FBXL18: variants seen among roughly 807,000 people sequenced by gnomAD.
The protein encoded by FBXL18 is F-box/LRR-repeat protein 18.
In FBXL18, 36 loss-of-function variants were observed where a neutral mutation model predicts 46.0. That is an observed-to-expected ratio of 0.78 (90% CI 0.60 to 1.03). The LOEUF is 1.03. Ranked by LOEUF, FBXL18 falls within the 50% of genes least tolerant of loss-of-function variation. The pLI is 0.00. For missense variants in FBXL18, 977 were observed against 1,004.1 expected (o/e 0.97, Z 0.36); for synonymous variants, 557 against 465.3 (o/e 1.20, Z -2.54).
chr7:5,505,752 A>C, intron 1 of FBXL18, 122 bp from the exon 2 acceptor site: 1 of 728,010 alleles, frequency 1.4e-6, no homozygotes. Flanking sequence ...TTTTTACTAA[A>C]ACTCTCAACT....
chr7:5,457,325 G>A (rs1041488034), intron 4 of FBXL18, among the ~76,000 whole-genome samples: 1 of 152,184 alleles, frequency 6.6e-6, no homozygotes, highest in African/African-American at 2.4e-5. Flanking sequence ...TCAGTAGTAG[G>A]AATAAACAAG....
intron 4 of FBXL18, among the ~76,000 whole-genome samples, chr7:5,485,029 C>A (rs1020892222): frequency 1.3e-5 from 2 of 152,228 alleles, no homozygotes; most frequent in South Asian, 4.1e-4. Flanking sequence ...CAATCCTCCC[C>A]CCTTGGCCTC....
rs538435988 is a variant in FBXL18, at chr7:5,491,548, G to A, written c.1782-99C>T. ...GCTGCCAGTGGAAGCTTCCTGGCCT[G>A]GGGCCCAGCCCAGCTGTTCCCGCCA... On this transcript the variant is annotated intron_variant, in intron 3 of 4. Transcript: ENST00000382368. The A allele has an allele frequency of 3.5e-4, 368 of 1,041,520 alleles. 6 individuals carry two copies. The East Asian group carries it at 9.3e-3, about 26-fold the overall frequency. 64.5% of individuals were successfully genotyped at this position (1,041,520 alleles called of 1,614,324 possible).
chr7:5,463,797 G>C (rs1172846489), intron 4 of FBXL18, among the ~76,000 whole-genome samples: 1 of 138,296 alleles, frequency 7.2e-6, no homozygotes, highest in Non-Finnish European at 1.5e-5. Context: ...CTTGAGTGCA[G>C]TAGTGCAGTC....
Position 5,501,934 on chromosome 7 carries a change from A to G in FBXL18, c.335T>C (p.Val112Ala), listed in dbSNP as rs749113873. 10 of 1,604,420 alleles carry G rather than the reference A, an allele frequency of 6.2e-6. No homozygotes were observed. The highest frequency in any genetic ancestry group is 8.5e-6 in the Non-Finnish European group (10 of 1,176,732). Residue 112 changes from valine to alanine, a missense_variant, in exon 3 of 5, where the codon GTG becomes GCG. Transcript: ENST00000382368. ...AGCYWLPGSTVEHVARCRSLV... is the reference protein window; with the variant it reads ...AGCYWLPGSTAEHVARCRSLV... ...GCTGCGGCAGCGGGCCACGTGTTCC[A>G]CGGTGGAGCCAGGCAGCCAGTAGCA...
At chr7:5,493,760 C>T (rs1378719347) in intron 3 of FBXL18, among the ~76,000 whole-genome samples, 1 of 151,946 alleles carries the variant, frequency 6.6e-6, no homozygotes, top group Non-Finnish European at 1.5e-5. Flanking sequence ...AGCAATCCTC[C>T]TGCCTCAGCC....
At position 5,483,373 on chromosome 7, in the gene FBXL18, G is replaced by A. The variant is rs187418282; in HGVS notation, c.2001-1442C>T. Reference sequence around the variant, plus strand: ...GGAGAATCCCTTGAACCCAGGAGGTGGAGTTTCCAGTGAGCCGAGATCGTG... The same window carrying A: ...GGAGAATCCCTTGAACCCAGGAGGTAGAGTTTCCAGTGAGCCGAGATCGTG... On this transcript the variant is annotated intron_variant, in intron 4 of 4. Coordinates refer to ENST00000382368, the MANE Select transcript of FBXL18 (RefSeq NM_024963.6). Among the ~76,000 whole-genome samples, 197 of 151,536 alleles carry A rather than the reference G, an allele frequency of 1.3e-3. 2 individuals are homozygous for A. The highest frequency in any genetic ancestry group is 4.1e-3 in the African/African-American group (170 of 41,292).
Position 5,501,986 on chromosome 7 carries a change from C to T in FBXL18, c.283G>A (p.Glu95Lys), listed in dbSNP as rs979392743. ...VRQLVKEIGR[E>K]IQQLSMAGCY... ...CCAGCCATGCTCAGCTGCTGGATCT[C>T]CCGGCCGATCTCCTTCACCAGCTGC... Residue 95 changes from glutamate (E) to lysine (K), a missense_variant, in exon 3 of 5, where the codon GAG becomes AAG. Transcript: ENST00000382368. The T allele has an allele frequency of 6.2e-7, 1 of 1,607,232 alleles. No homozygotes were observed. The highest frequency in any genetic ancestry group is 1.7e-4 in the Middle Eastern group (1 of 6,034).
chr7:5,506,884 G>A (rs1411377210), intron 1 of FBXL18, among the ~76,000 whole-genome samples: 1 of 152,158 alleles, frequency 6.6e-6, no homozygotes, highest in Non-Finnish European at 1.5e-5. Flanking sequence ...TTCATATCTG[G>A]CAAATTACAA....
At chr7:5,493,798 A>G (rs1783998206) in intron 3 of FBXL18, among the ~76,000 whole-genome samples, 1 of 151,878 alleles carries the variant, frequency 6.6e-6, no homozygotes, top group African/African-American at 2.4e-5. Context: ...TATAGGCGTG[A>G]GCCACCATGC....
At chr7:5,482,179 C>G (rs1783665707) in intron 4 of FBXL18, among the ~76,000 whole-genome samples, 1 of 152,194 alleles carries the variant, frequency 6.6e-6, no homozygotes, top group Non-Finnish European at 1.5e-5. Flanking sequence ...TCAGGGGGCA[C>G]CCGCTCCATG....
At chr7:5,458,614 C>CT (rs1225978686) in intron 4 of FBXL18, among the ~76,000 whole-genome samples, 1 of 151,968 alleles carries the variant, frequency 6.6e-6, no homozygotes, top group East Asian at 1.9e-4. Flanking sequence ...AGGAGTATCG[C>CT]TTAACTCGGG....
intron 1 of FBXL18, among the ~76,000 whole-genome samples, chr7:5,508,006 C>T (rs984071508): frequency 1.1e-4 from 16 of 151,996 alleles, no homozygotes; most frequent in African/African-American, 1.7e-4. Flanking sequence ...TGGTGGCTCA[C>T]GCCTGTAATC....
At chr7:5,467,521 G>A (rs1336635618) in intron 4 of FBXL18, among the ~76,000 whole-genome samples, 2 of 151,602 alleles carry the variant, frequency 1.3e-5, no homozygotes, top group African/African-American at 2.4e-5. Flanking sequence ...ACCCCAGCCT[G>A]GGAGGCAGAG....
At position 5,491,089 on chromosome 7, in the gene FBXL18, C is replaced by T. The variant is rs1010716827; in HGVS notation, c.2000+142G>A. ...AGGCTGGGCCGTGGGAGACCAAACC[C>T]CTTGCTTTCACCCTGTCACTGCCTG... On this transcript the variant is annotated intron_variant, in intron 4 of 4. Coordinates refer to ENST00000382368, the MANE Select transcript of FBXL18 (RefSeq NM_024963.6). 135 of 754,062 alleles carry T rather than the reference C, an allele frequency of 1.8e-4. No individual in the cohort carries two copies. Among genetic ancestry groups the T allele is most frequent in the Admixed American group, 2.9e-4 (11 of 37,882 alleles). The allele number at this position is 754,062 out of a possible 1,614,324, so 46.7% of individuals were successfully genotyped here.
Position 5,505,279 on chromosome 7 carries a change from G to A in FBXL18, c.237+133C>T, listed in dbSNP as rs1038115591. ...CTTCTGTCCCTCAATGCATCCTGCAGACGGCGCCAGTCAGGACTTGGAGTT... is the reference window on the plus strand; with the variant it reads ...CTTCTGTCCCTCAATGCATCCTGCAAACGGCGCCAGTCAGGACTTGGAGTT... On this transcript the variant is annotated intron_variant, in intron 2 of 4. Transcript: ENST00000382368. 7 of 791,882 alleles carry A rather than the reference G, an allele frequency of 8.8e-6. No homozygotes were observed. The East Asian group carries it at 1.6e-4, about 18-fold the overall frequency. The allele number at this position is 791,882 out of a possible 1,614,324, so 49.1% of individuals were successfully genotyped here.
rs1783613971 is a variant in FBXL18 at position 5,480,542 on chromosome 7, ATATATATTTTT to A, written c.*1222_*1232del. 6 of 45,098 alleles carry A rather than the reference ATATATATTTTT, an allele frequency of 1.3e-4. No individual in the cohort carries two copies. The highest frequency in any genetic ancestry group is 7.7e-4 in the South Asian group (1 of 1,300). 2.8% of individuals were successfully genotyped at this position (45,098 alleles called of 1,614,324 possible). ...AAGTGTGTTGAATATATATATATATATATATATTTTTTTTTTTTTTTTTTTTTTTTTTTTTT... is the reference window on the plus strand; with the variant it reads ...AAGTGTGTTGAATATATATATATATATTTTTTTTTTTTTTTTTTTTTTTTT... On this transcript the variant is annotated 3_prime_UTR_variant, in exon 5 of 5. Coordinates refer to ENST00000382368, the MANE Select transcript of FBXL18 (RefSeq NM_024963.6).
chr7:5,511,719 G>A (rs565110688), intron 1 of FBXL18, among the ~76,000 whole-genome samples: 1 of 150,552 alleles, frequency 6.6e-6, no homozygotes, highest in East Asian at 2.0e-4. Context: ...AGTGAGCCGA[G>A]ATCGCGCCAC....
intron 1 of FBXL18, among the ~76,000 whole-genome samples, chr7:5,508,598 G>C (rs1784452319): frequency 1.3e-5 from 2 of 149,766 alleles, no homozygotes; most frequent in South Asian, 4.2e-4. Context: ...GACAGAGAGA[G>C]ACCTTGTCTC....
Sources: allele counts gnomAD v4.1 joint callset (sites outside exome capture counted in the v4.1 genomes callset), GRCh38; gene constraint gnomAD v4.1.1; transcripts MANE v1.5; gene names NCBI Gene and HGNC (gene_info 2026-07-23, HGNC 2026-07-21).